Variants in BMAL1 observed in about 807,000 individuals in gnomAD.
BMAL1 encodes the protein basic helix-loop-helix ARNT like 1, also known as basic helix-loop-helix ARNT-like protein 1.
the BMAL1 span, chr11:13,354,891 C>A: frequency 1.3e-5 from 3 of 229,360 alleles, no homozygotes; most frequent in Non-Finnish European, 2.6e-5. Context: ...GAGTGGAGGT[C>A]CTCTCTGAAA....
the BMAL1 span, chr11:13,372,304 A>G: frequency 6.2e-7 from 1 of 1,614,230 alleles, no homozygotes; most frequent in Non-Finnish European, 8.5e-7. Flanking sequence ...GGACGACTGC[A>G]TTCTCATGTA....
chr11:13,314,174 C>T, the BMAL1 span, among the ~76,000 whole-genome samples: 79 of 151,048 alleles, frequency 5.2e-4, no homozygotes, highest in African/African-American at 1.6e-3. Context: ...ATCGGTGTTA[C>T]TGTTGATTTA....
the BMAL1 span, among the ~76,000 whole-genome samples, chr11:13,294,147 G>T: frequency 6.6e-6 from 1 of 152,066 alleles, no homozygotes; most frequent in Non-Finnish European, 1.5e-5. Flanking sequence ...TGAAGGGTTT[G>T]TATTGTTCAT....
the BMAL1 span, among the ~76,000 whole-genome samples, chr11:13,295,306 G>GGA: frequency 2.7e-4 from 40 of 146,922 alleles, 1 homozygote; most frequent in South Asian, 9.1e-4. Context: ...AGTGGTAGAG[G>GGA]GAGAGAGAGA....
At chr11:13,355,937 G>C in the BMAL1 span, among the ~76,000 whole-genome samples, 1 of 152,194 alleles carries the variant, frequency 6.6e-6, no homozygotes, top group African/African-American at 2.4e-5. Context: ...AAGGAGAGAG[G>C]CCCAGCTGGC....
the BMAL1 span, chr11:13,376,676 A>G: frequency 6.2e-7 from 1 of 1,613,966 alleles, no homozygotes; most frequent in Non-Finnish European, 8.5e-7. Flanking sequence ...CAACCTTCCC[A>G]CAGCTCACAG....
chr11:13,357,146 T>C, the BMAL1 span: 18 of 1,610,538 alleles, frequency 1.1e-5, no homozygotes, highest in Middle Eastern at 1.7e-4. This position sits in a 1 kb window ranked among gnomAD's most constrained non-coding sequence, Gnocchi z 4.8. Context: ...TCTGGTTGCT[T>C]AGAGAGCAGC....
chr11:13,338,870 G>A, the BMAL1 span, among the ~76,000 whole-genome samples: 1 of 152,234 alleles, frequency 6.6e-6, no homozygotes, highest in Admixed American at 6.5e-5. Context: ...CTCAGTAAAC[G>A]GGACGTGGTC....
chr11:13,378,284 A>T, the BMAL1 span: 2 of 1,524,518 alleles, frequency 1.3e-6, no homozygotes, highest in Non-Finnish European at 8.8e-7. Flanking sequence ...AATACATAAT[A>T]GTATTTCTTC....
At chr11:13,308,785 T>C in the BMAL1 span, among the ~76,000 whole-genome samples, 1 of 152,168 alleles carries the variant, frequency 6.6e-6, no homozygotes, top group Non-Finnish European at 1.5e-5. Context: ...GTGAAGATAG[T>C]ACCGTAGGAA....
the BMAL1 span, among the ~76,000 whole-genome samples, chr11:13,338,550 G>A: frequency 2.0e-5 from 3 of 152,180 alleles, no homozygotes; most frequent in South Asian, 2.1e-4. Flanking sequence ...TCCTTGCCCC[G>A]TAGGTGGGAG....
At chr11:13,378,065 G>A in the BMAL1 span, among the ~76,000 whole-genome samples, 3 of 152,114 alleles carry the variant, frequency 2.0e-5, no homozygotes, top group Admixed American at 6.5e-5. Context: ...CACATACAGT[G>A]GTCTTCAATA....
the BMAL1 span, among the ~76,000 whole-genome samples, chr11:13,305,180 GT>G: frequency 6.6e-6 from 1 of 152,146 alleles, no homozygotes. Context: ...ATGGCAGGGC[GT>G]GAGCTGTGAA....
the BMAL1 span, among the ~76,000 whole-genome samples, chr11:13,345,473 C>T: frequency 2.6e-5 from 4 of 152,328 alleles, no homozygotes; most frequent in African/African-American, 9.6e-5. Context: ...TGTAGCTTTC[C>T]TGACCCAGGA....
chr11:13,304,719 G>A, the BMAL1 span, among the ~76,000 whole-genome samples: 1 of 152,212 alleles, frequency 6.6e-6, no homozygotes, highest in African/African-American at 2.4e-5. Context: ...GCCCTCTAGG[G>A]GGGTGAGATA....
At chr11:13,303,995 G>A in the BMAL1 span, among the ~76,000 whole-genome samples, 3 of 152,208 alleles carry the variant, frequency 2.0e-5, no homozygotes, top group Non-Finnish European at 4.4e-5. Flanking sequence ...CTGGAATGGA[G>A]TGGGGAGGAG....
At chr11:13,278,969 C>G in the BMAL1 span, among the ~76,000 whole-genome samples, 3 of 152,194 alleles carry the variant, frequency 2.0e-5, no homozygotes, top group African/African-American at 7.2e-5. Context: ...GGGGTGAGCT[C>G]AGGTGCCCGC....
At chr11:13,288,428 T>TTTCTTTCTTTCTTACTTTTTTTTTC in the BMAL1 span, among the ~76,000 whole-genome samples, 1 of 53,308 alleles carries the variant, frequency 1.9e-5, no homozygotes, top group African/African-American at 6.2e-5. Flanking sequence ...TTTTTTCTTT[T>TTTCTTTCTTTCTTACTTTTTTTTTC]TTTTTTTTTT....
At chr11:13,288,233 A>G in the BMAL1 span, among the ~76,000 whole-genome samples, 1 of 152,094 alleles carries the variant, frequency 6.6e-6, no homozygotes, top group African/African-American at 2.4e-5. Flanking sequence ...CCAAACCTGA[A>G]GCCATTTTAG....
Sources: gnomAD v4.1 joint callset for allele counts (sites outside exome capture counted in the v4.1 genomes callset) on GRCh38, gnomAD v4.1.1 for gene constraint, Gnocchi (gnomAD v3.1) non-coding constraint, MANE v1.5 for transcripts, NCBI Gene and HGNC (gene_info 2026-07-23, HGNC 2026-07-21) for gene names.